The following MYO1D variants were observed in gnomAD, a reference collection of about 807,000 sequenced individuals.
MYO1D encodes the protein myosin ID, also known as unconventional myosin-Id.
A neutral mutation model predicts 122.0 loss-of-function variants in MYO1D; 83 were observed. The ratio of observed to expected loss-of-function variants is 0.68; its 90% CI spans 0.57 to 0.82. The LOEUF (loss-of-function observed/expected upper bound fraction) is 0.82. Ranked by LOEUF, MYO1D falls within the 40% of genes least tolerant of loss-of-function variation. MYO1D has a pLI of 0.00. For missense variants in MYO1D, 1,157 were observed against 1,269.5 expected (o/e 0.91, Z 1.35); for synonymous variants, 464 against 446.9 (o/e 1.04, Z -0.48).
chr17:32,613,736 TGCACTCCA>T lies in MYO1D; in HGVS notation c.2710-8503_2710-8496del, dbSNP rs542562442. Among the ~76,000 whole-genome samples, 161 of 125,976 alleles carry T rather than the reference TGCACTCCA, an allele frequency of 1.3e-3. 1 individual carries two copies. Among genetic ancestry groups the T allele is most frequent in the African/African-American group, 4.4e-3 (145 of 32,940 alleles). 82.6% of individuals were successfully genotyped at this position (125,976 alleles called of 152,430 possible). Reference sequence around the variant, plus strand: ...TTGCAGTGAGCCGAAATAGTGCCACTGCACTCCAGCACTCCAGCACTCCAGCCTGGGCG... The same window carrying T: ...TTGCAGTGAGCCGAAATAGTGCCACTGCACTCCAGCACTCCAGCCTGGGCG... On this transcript the variant is annotated intron_variant, in intron 20 of 21. Coordinates refer to ENST00000318217, the MANE Select transcript of MYO1D (RefSeq NM_015194.3).
At chr17:32,855,588 G>GT (rs557926253) in intron 1 of MYO1D, among the ~76,000 whole-genome samples, 123 of 152,192 alleles carry the variant, frequency 8.1e-4, no homozygotes, top group Non-Finnish European at 1.4e-3. Flanking sequence ...GGACATTTGT[G>GT]TTTTTTCTTA....
chr17:32,503,643 C>T (rs1303350609), intron 21 of MYO1D, among the ~76,000 whole-genome samples: 1 of 152,170 alleles, frequency 6.6e-6, no homozygotes, highest in Admixed American at 6.5e-5. Flanking sequence ...CAAGCAGAGA[C>T]AGGTGCTTTT....
intron 21 of MYO1D, among the ~76,000 whole-genome samples, chr17:32,568,030 G>T (rs762343567): frequency 3.3e-5 from 5 of 152,038 alleles, no homozygotes; most frequent in Non-Finnish European, 7.4e-5. Context: ...CAATAATGGT[G>T]AGCGGCAGCT....
At chr17:32,562,720 C>T (rs2087137130) in intron 21 of MYO1D, among the ~76,000 whole-genome samples, 1 of 152,188 alleles carries the variant, frequency 6.6e-6, no homozygotes, top group South Asian at 2.1e-4. Context: ...CCTCCTGCCT[C>T]ACCTCCCAAA....
At chr17:32,659,979 A>C (rs905470274) in intron 16 of MYO1D, among the ~76,000 whole-genome samples, 1 of 152,220 alleles carries the variant, frequency 6.6e-6, no homozygotes, top group East Asian at 1.9e-4. Context: ...AGCATGGTAA[A>C]GTCAGAGATA....
chr17:32,668,527 ACCCTAACATTGATT>A (rs2088666525), intron 16 of MYO1D, among the ~76,000 whole-genome samples: 1 of 152,042 alleles, frequency 6.6e-6, no homozygotes, highest in African/African-American at 2.4e-5. Context: ...CCAAAGGTAT[ACCCTAACATTGATT>A]CCACAGAGTT....
chr17:32,526,284 T>C (rs2706760), intron 21 of MYO1D, among the ~76,000 whole-genome samples: 116,112 of 152,116 alleles, frequency 0.76, 44,566 homozygotes, highest in Middle Eastern at 0.87. Context: ...CTATATTGTT[T>C]CGAACTCAAC....
At chr17:32,502,410 G>C (rs545773871) in intron 21 of MYO1D, among the ~76,000 whole-genome samples, 1 of 152,196 alleles carries the variant, frequency 6.6e-6, no homozygotes, top group Non-Finnish European at 1.5e-5. Flanking sequence ...TGCGGGGAGT[G>C]GGGGCGTGGA....
chr17:32,773,113 C>CT (rs550222479), intron 4 of MYO1D, among the ~76,000 whole-genome samples: 22 of 152,224 alleles, frequency 1.4e-4, no homozygotes, highest in Non-Finnish European at 2.9e-4. Context: ...GAAAGACTGA[C>CT]TTACGACCTC....
At chr17:32,577,068 G>T (rs1405172561) in intron 21 of MYO1D, among the ~76,000 whole-genome samples, 1 of 152,046 alleles carries the variant, frequency 6.6e-6, no homozygotes, top group Non-Finnish European at 1.5e-5. Context: ...TGGGCAACAG[G>T]ATGAAACCCT....
intron 1 of MYO1D, among the ~76,000 whole-genome samples, chr17:32,860,149 G>A (rs184744345): frequency 3.3e-5 from 5 of 152,264 alleles, no homozygotes; most frequent in Admixed American, 2.6e-4. Context: ...CTGTTGCAAC[G>A]ACCTTCCACC....
intron 21 of MYO1D, among the ~76,000 whole-genome samples, chr17:32,551,711 G>C (rs546194462): frequency 6.6e-6 from 1 of 152,070 alleles, no homozygotes; most frequent in South Asian, 2.1e-4. Flanking sequence ...TCAGCACGCG[G>C]TTCCATTTTC....
In MYO1D at chr17:32,822,779, C is replaced by T. The variant is rs1161858183; in HGVS notation, c.96-41995G>A. Among the ~76,000 whole-genome samples, 3 of 151,478 alleles carry T rather than the reference C, an allele frequency of 2.0e-5. 1 individual carries two copies. The highest frequency in any genetic ancestry group is 4.4e-5 in the Non-Finnish European group (3 of 67,838). On this transcript the variant is annotated intron_variant, in intron 1 of 21. Transcript: ENST00000318217. ...GCGAGGCCCGGGGCGTCCCCGCACC[C>T]GGCCGACCTCCGCTCGCGACCGCTC...
intron 1 of MYO1D, among the ~76,000 whole-genome samples, chr17:32,849,462 A>T (rs1420161158): frequency 6.7e-6 from 1 of 150,190 alleles, no homozygotes; most frequent in Non-Finnish European, 1.5e-5. Flanking sequence ...TGGCACATAT[A>T]CACCATGGAA....
chr17:32,804,143 C>T (rs571209805), intron 1 of MYO1D, among the ~76,000 whole-genome samples: 2 of 152,258 alleles, frequency 1.3e-5, no homozygotes, highest in African/African-American at 4.8e-5. Context: ...AACCTATGCA[C>T]ATCCTCCTGT....
chr17:32,600,894 T>A (rs1039807051), intron 21 of MYO1D, among the ~76,000 whole-genome samples: 1 of 152,162 alleles, frequency 6.6e-6, no homozygotes, highest in Non-Finnish European at 1.5e-5. Context: ...TTTTGGCCTA[T>A]CTCAGCTTTC....
intron 16 of MYO1D, among the ~76,000 whole-genome samples, chr17:32,708,135 G>T (rs919656436): frequency 1.3e-5 from 2 of 152,136 alleles, no homozygotes; most frequent in Non-Finnish European, 2.9e-5. Context: ...CTCGACATAG[G>T]GGGTGAGAAG....
At chr17:32,586,169 T>A (rs1403073111) in intron 21 of MYO1D, among the ~76,000 whole-genome samples, 1 of 152,204 alleles carries the variant, frequency 6.6e-6, no homozygotes. Context: ...GAGCAAACCA[T>A]AAGAATTCGT....
At chr17:32,696,850 G>A (rs868153765) in intron 16 of MYO1D, among the ~76,000 whole-genome samples, 1 of 152,166 alleles carries the variant, frequency 6.6e-6, no homozygotes, top group Non-Finnish European at 1.5e-5. Context: ...ATTTGTCAAA[G>A]GAAGTCCATT....
Sources: gnomAD v4.1 joint callset for allele counts (sites outside exome capture counted in the v4.1 genomes callset) on GRCh38, gnomAD v4.1.1 for gene constraint, MANE v1.5 for transcripts, NCBI Gene and HGNC (gene_info 2026-07-23, HGNC 2026-07-21) for gene names.